RASGRP4: variants seen among roughly 807,000 people sequenced by gnomAD.
The protein encoded by RASGRP4 is RAS guanyl releasing protein 4, also known as RAS guanyl-releasing protein 4.
Under a neutral mutation model 84.4 loss-of-function variants are expected in RASGRP4, and 52 were observed. The ratio of observed to expected loss-of-function variants is 0.62; its 90% confidence interval spans 0.49 to 0.78. The LOEUF is 0.78. Ranked by LOEUF, RASGRP4 falls within the 30% of genes least tolerant of loss-of-function variation. The pLI is 0.00. For synonymous variants in RASGRP4, 356 were observed against 359.1 expected, an observed-to-expected ratio of 0.99 and a Z score of 0.10; for missense variants, 760 against 886.9, an observed-to-expected ratio of 0.86 and a Z score of 1.82.
chr19:38,417,327 C>T lies in RASGRP4; in HGVS notation c.838-159G>A, dbSNP rs1288722618. Among the ~76,000 whole-genome samples the T allele has an allele frequency of 6.6e-6, 1 of 152,084 alleles. No homozygotes were observed. The highest frequency in any genetic ancestry group is 1.9e-4 in the East Asian group (1 of 5,190). Reference sequence around the variant, plus strand: ...GCGGGTGTGTGCGGCAAGAGTGGGACATGCCATGTGTGGGCCTCACAGGGG... The same window carrying T: ...GCGGGTGTGTGCGGCAAGAGTGGGATATGCCATGTGTGGGCCTCACAGGGG... On this transcript the variant is annotated intron_variant, in intron 7 of 16. Coordinates refer to ENST00000615439, the MANE Select transcript of RASGRP4 (RefSeq NM_170604.3). This position sits in a 1 kb window ranked among gnomAD's most constrained non-coding sequence, Gnocchi z 5.1.
At position 38,409,284 on chromosome 19, in the gene RASGRP4, T is replaced by G; in HGVS notation, c.*756A>C. Reference sequence around the variant, plus strand: ...ATCAGACAAGCATCTGTCAGGCGCCTACCACCTGCCAGCCCTGTTCTAGGC... The same window carrying G: ...ATCAGACAAGCATCTGTCAGGCGCCGACCACCTGCCAGCCCTGTTCTAGGC... On this transcript the variant is annotated 3_prime_UTR_variant, in exon 17 of 17. Coordinates refer to ENST00000615439, the MANE Select transcript of RASGRP4 (RefSeq NM_170604.3). 6.3e-6 allele frequency: 1 copy of G among 158,926 alleles called. No homozygotes were observed. Among genetic ancestry groups the G allele is most frequent in the Non-Finnish European group, 1.4e-5 (1 of 72,644 alleles). The allele number at this position is 158,926 out of a possible 1,614,324, so 9.8% of individuals were successfully genotyped here.
At chr19:38,424,619 G>A (rs987320392) in intron 1 of RASGRP4, among the ~76,000 whole-genome samples, 2 of 142,840 alleles carry the variant, frequency 1.4e-5, no homozygotes, top group African/African-American at 2.6e-5. Context: ...GTGTCAATGG[G>A]GGGGGGGGTC....
intron 1 of RASGRP4, 50 bp downstream of exon 1, chr19:38,426,019 A>AAG (rs1238300147): frequency 7.5e-7 from 1 of 1,331,150 alleles, no homozygotes; most frequent in Non-Finnish European, 9.8e-7. Flanking sequence ...CCTCCCATGC[A>AAG]GAGGGAGGCC....
rs1173605763 is a variant in RASGRP4, at chr19:38,410,035, G to A, written c.*5C>T. 1.2e-6 allele frequency: 2 copies of A among 1,610,042 alleles called. No homozygotes were observed. Among genetic ancestry groups the A allele is most frequent in the Non-Finnish European group, 1.7e-6 (2 of 1,177,582 alleles). On this transcript the variant is annotated 3_prime_UTR_variant, in exon 17 of 17. Transcript: ENST00000615439. ...GAGTGAGGAAGAGAGGAGACCAAGAGATGTCTAGGAATCCAGCTTGGAGGA... is the reference window on the plus strand; with the variant it reads ...GAGTGAGGAAGAGAGGAGACCAAGAAATGTCTAGGAATCCAGCTTGGAGGA...
Position 38,413,343 on chromosome 19 carries a change from G to A in RASGRP4, c.1312-46C>T, listed in dbSNP as rs1193997213. On this transcript the variant is annotated intron_variant, in intron 10 of 16. Transcript: ENST00000615439. This position sits in a 1 kb window ranked among gnomAD's most constrained non-coding sequence, Gnocchi z 4.7. ...CACAGTTAGTCACTGCATAGGCTTAGGGGGGGTTCGAGGTAATTGGGGGAG... is the reference window on the plus strand; with the variant it reads ...CACAGTTAGTCACTGCATAGGCTTAAGGGGGGTTCGAGGTAATTGGGGGAG... 2.5e-6 allele frequency: 4 copies of A among 1,600,094 alleles called. No individual in the cohort carries two copies. In the African/African-American group the frequency reaches 5.4e-5, roughly 21 times the overall value.
intron 4 of RASGRP4, among the ~76,000 whole-genome samples, chr19:38,420,495 C>T (rs1971697226): frequency 6.6e-6 from 1 of 150,538 alleles, no homozygotes; most frequent in South Asian, 2.1e-4. Context: ...CGGGGAGTCA[C>T]TTGGAAGTGG....
At chr19:38,423,831 A>G (rs1017717937) in intron 1 of RASGRP4, among the ~76,000 whole-genome samples, 1 of 151,908 alleles carries the variant, frequency 6.6e-6, no homozygotes, top group Non-Finnish European at 1.5e-5. Context: ...AGCGAGTCTT[A>G]GTCTCAAAAT....
At position 38,426,073 on chromosome 19, in the gene RASGRP4, T is replaced by C. The variant is rs1441205160; in HGVS notation, c.19A>G (p.Lys7Glu). The C allele has an allele frequency of 2.2e-6, 3 of 1,355,742 alleles. No homozygotes were observed. Among genetic ancestry groups the C allele is most frequent in the South Asian group, 2.2e-5 (1 of 45,226 alleles). 84.0% of individuals were successfully genotyped at this position (1,355,742 alleles called of 1,614,324 possible). MNRKDSKRKSHQECTGK... is the reference protein window; with the variant it reads MNRKDSERKSHQECTGK... ...CCCTGGGGAGGGTCCTCTCACCTCT[T>C]ACTGTCTTTTCTGTTCATGCTTCCC... The change falls in exon 1 of 17, where the codon AAG becomes GAG. Residue 7 changes from lysine to glutamate, a missense_variant. Lys to Glu is a moderately conservative substitution (Grantham distance 56). Coordinates refer to ENST00000615439, the MANE Select transcript of RASGRP4 (RefSeq NM_170604.3).
rs747047014 is a variant in RASGRP4, at chr19:38,410,069, ATGG to A, written c.1990_1992del (p.Pro664del). ...GAATCCAGCTTGGAGGATGCAGTTG[ATGG>A]TGGGTCCATCACCGGGCAGGGGACC... On this transcript the variant is annotated inframe_deletion, in exon 17 of 17. Transcript: ENST00000615439. 8.1e-6 allele frequency: 13 copies of A among 1,612,398 alleles called. No individual in the cohort carries two copies. Among genetic ancestry groups the A allele is most frequent in the Non-Finnish European group, 1.1e-5 (13 of 1,179,164 alleles).
At position 38,409,133 on chromosome 19, in the gene RASGRP4, G is replaced by T; in HGVS notation, c.*907C>A. The T allele has an allele frequency of 6.1e-6, 2 of 326,714 alleles. No homozygotes were observed. Among genetic ancestry groups the T allele is most frequent in the Non-Finnish European group, 5.4e-6 (1 of 183,652 alleles). 20.2% of individuals were successfully genotyped at this position (326,714 alleles called of 1,614,324 possible). A position where few individuals can be genotyped will look rare whatever the true frequency, so the allele number is the denominator to read the frequency against. ...GGCCAAGTCAGGGGTGTTGGGGTTT[G>T]TGAAGGGGTTGGGGGGGTCTCTGCT... On this transcript the variant is annotated 3_prime_UTR_variant, in exon 17 of 17. Coordinates refer to ENST00000615439, the MANE Select transcript of RASGRP4 (RefSeq NM_170604.3).
rs1253722652 is a variant in RASGRP4, at chr19:38,414,828, G to A, written c.1230+20C>T. On this transcript the variant is annotated intron_variant, in intron 9 of 16. Coordinates refer to ENST00000615439, the MANE Select transcript of RASGRP4 (RefSeq NM_170604.3). The stretch of plus-strand genomic sequence containing the variant: ...CAGTACCCTTGGAAGCCCAGCCTGG[G>A]CGGGGCCAGGGGGGCTCACCGTGAG... 4 of 1,565,194 alleles carry A rather than the reference G, an allele frequency of 2.6e-6. No homozygotes were observed. The highest frequency in any genetic ancestry group is 2.7e-5 in the African/African-American group (2 of 74,048).
Position 38,414,862 on chromosome 19 carries a change from G to A in RASGRP4, c.1216C>T (p.Leu406=), listed in dbSNP as rs372910379. 335 of 1,596,272 alleles carry A rather than the reference G, an allele frequency of 2.1e-4. No homozygotes were observed. Among genetic ancestry groups the A allele is most frequent in the Non-Finnish European group, 2.8e-4 (326 of 1,171,920 alleles). Reference sequence around the variant, plus strand: ...GGGGGGCTCACCGTGAGCAGGTGCAGCAGATCCTCATTGGCGCTGCAGGGT... The same window carrying A: ...GGGGGGCTCACCGTGAGCAGGTGCAACAGATCCTCATTGGCGCTGCAGGGT... The part of the protein sequence containing the change: ...HPPCSANEDL[L]HLLTLSLDLF... Residue 406 remains leucine (L), a synonymous_variant, in exon 9 of 17, where the codon CTG becomes TTG. Transcript: ENST00000615439.
In RASGRP4 at chr19:38,413,339, C is replaced by T. The variant is rs1600550960; in HGVS notation, c.1312-42G>A. ...GGAGCACAGTTAGTCACTGCATAGG[C>T]TTAGGGGGGGTTCGAGGTAATTGGG... On this transcript the variant is annotated intron_variant, in intron 10 of 16. Coordinates refer to ENST00000615439, the MANE Select transcript of RASGRP4 (RefSeq NM_170604.3). This position sits in a 1 kb window ranked among gnomAD's most constrained non-coding sequence, Gnocchi z 4.7. 1.2e-6 allele frequency: 2 copies of T among 1,604,368 alleles called. No individual in the cohort carries two copies. The highest frequency in any genetic ancestry group is 2.2e-5 in the East Asian group (1 of 44,746).
rs1001880201 is a variant in RASGRP4, at chr19:38,417,418, T to C, written c.838-250A>G. Among the ~76,000 whole-genome samples, 4 of 152,160 alleles carry C rather than the reference T, an allele frequency of 2.6e-5. No individual in the cohort carries two copies. Among genetic ancestry groups the C allele is most frequent in the African/African-American group, 9.6e-5 (4 of 41,514 alleles). On this transcript the variant is annotated intron_variant, in intron 7 of 16. Coordinates refer to ENST00000615439, the MANE Select transcript of RASGRP4 (RefSeq NM_170604.3). The surrounding 1 kb of genome is among the most constrained non-coding windows in gnomAD (Gnocchi z 5.1). ...TTGACTGATACGAGGTTAGAAAATCTGGGGAGACAGGAAGTACGAGAAGTT... is the reference window on the plus strand; with the variant it reads ...TTGACTGATACGAGGTTAGAAAATCCGGGGAGACAGGAAGTACGAGAAGTT...
intron 16 of RASGRP4, among the ~76,000 whole-genome samples, chr19:38,410,503 C>T (rs935277620): frequency 6.6e-6 from 1 of 151,690 alleles, no homozygotes; most frequent in African/African-American, 2.4e-5. Context: ...GCCTCTGCCT[C>T]CCGGGCTCAA....
Position 38,413,601 on chromosome 19 carries a change from T to C in RASGRP4, c.1231-127A>G. On this transcript the variant is annotated intron_variant, in intron 9 of 16. Transcript: ENST00000615439. The surrounding 1 kb of genome is among the most constrained non-coding windows in gnomAD (Gnocchi z 4.7). ...TCCTGGCATTACTGCTGTGGGACAG[T>C]GGGCAAGGGACCTCACCTCTCTGGG... 1.3e-6 allele frequency: 1 copy of C among 762,164 alleles called. No homozygotes were observed. Among genetic ancestry groups the C allele is most frequent in the East Asian group, 2.7e-5 (1 of 37,190 alleles). 47.2% of individuals were successfully genotyped at this position (762,164 alleles called of 1,614,324 possible).
rs1231831175 is a variant in RASGRP4 at position 38,417,989 on chromosome 19, G to A, written c.837+402C>T. Among the ~76,000 whole-genome samples, 2 of 151,466 alleles carry A rather than the reference G, an allele frequency of 1.3e-5. No homozygotes were observed. Among genetic ancestry groups the A allele is most frequent in the African/African-American group, 2.4e-5 (1 of 41,210 alleles). Reference sequence around the variant, plus strand: ...AGGGCGTAACACAATGGGGCGGGGCGGGGAGAGCCCGGACGCAATGGGGAG... The same window carrying A: ...AGGGCGTAACACAATGGGGCGGGGCAGGGAGAGCCCGGACGCAATGGGGAG... On this transcript the variant is annotated intron_variant, in intron 7 of 16. Transcript: ENST00000615439. This position sits in a 1 kb window ranked among gnomAD's most constrained non-coding sequence, Gnocchi z 5.1.
intron 1 of RASGRP4, among the ~76,000 whole-genome samples, chr19:38,423,738 G>A (rs1265825583): frequency 6.6e-6 from 1 of 152,124 alleles, no homozygotes; most frequent in East Asian, 1.9e-4. Flanking sequence ...TCAGGAGGCT[G>A]AGGCAGAAGA....
chr19:38,415,915 T>C (rs1266565258), intron 8 of RASGRP4, among the ~76,000 whole-genome samples: 2 of 150,254 alleles, frequency 1.3e-5, no homozygotes, highest in Non-Finnish European at 3.0e-5. Context: ...AAAAATTAAC[T>C]GGGTCTGGTG....
Sources: allele counts gnomAD v4.1 joint callset (sites outside exome capture counted in the v4.1 genomes callset), GRCh38; gene constraint gnomAD v4.1.1; non-coding constraint Gnocchi (gnomAD v3.1); transcripts MANE v1.5; gene names NCBI Gene and HGNC (gene_info 2026-07-23, HGNC 2026-07-21).